RANBP9: variants seen among roughly 807,000 people sequenced by gnomAD.
RANBP9 encodes the protein RAN binding protein 9.
In RANBP9, 15 loss-of-function variants were observed where a neutral mutation model predicts 84.3. The observed-to-expected ratio is 0.18, with a 90% CI of 0.12 to 0.27. The LOEUF (loss-of-function observed/expected upper bound fraction) is 0.27, where lower values mean the gene tolerates loss of function less well. Ranked by LOEUF, RANBP9 falls within the 10% of genes least tolerant of loss-of-function variation. RANBP9 has a pLI of 1.00. For synonymous variants in RANBP9, 392 were observed against 349.6 expected (o/e 1.12, Z -1.35); for missense variants, 809 against 912.8 (o/e 0.89, Z 1.46).
Position 13,621,827 on chromosome 6 carries a change from G to C in RANBP9, c.*535C>G, listed in dbSNP as rs1764457111. On this transcript the variant is annotated 3_prime_UTR_variant, in exon 14 of 14. Transcript: ENST00000011619. Reference sequence around the variant, plus strand: ...AAGTAGCAACAAACATATTCACTCAGCTCCTGAGTATTTCAAGTTTTACAG... The same window carrying C: ...AAGTAGCAACAAACATATTCACTCACCTCCTGAGTATTTCAAGTTTTACAG... 1 of 152,576 alleles carries C rather than the reference G, an allele frequency of 6.6e-6. No homozygotes were observed. Among genetic ancestry groups the C allele is most frequent in the African/African-American group, 2.4e-5 (1 of 41,420 alleles). The allele number at this position is 152,576 out of a possible 1,614,324, so 9.5% of individuals were successfully genotyped here.
At chr6:13,676,679 G>A (rs1765891981) in intron 2 of RANBP9, among the ~76,000 whole-genome samples, 1 of 151,642 alleles carries the variant, frequency 6.6e-6, no homozygotes, top group African/African-American at 2.4e-5. Context: ...GACTAAGTGG[G>A]ATTTATCCCA....
chr6:13,705,932 C>T (rs1307072590), intron 1 of RANBP9, among the ~76,000 whole-genome samples: 1 of 150,528 alleles, frequency 6.6e-6, no homozygotes, highest in Non-Finnish European at 1.5e-5. Context: ...GACATTTGCA[C>T]TTGTAAGCAA....
chr6:13,664,725 C>T (rs74591271), intron 2 of RANBP9, among the ~76,000 whole-genome samples: 1,970 of 152,040 alleles, frequency 0.013, 46 homozygotes, highest in African/African-American at 0.045. Context: ...TATCACTGTA[C>T]CCCCAAAACA....
At chr6:13,654,949 AACCACCTT>A in intron 4 of RANBP9, among the ~76,000 whole-genome samples, 2 of 152,366 alleles carry the variant, frequency 1.3e-5, no homozygotes, top group Middle Eastern at 6.8e-3. Flanking sequence ...AGTTTAGTCT[AACCACCTT>A]AGTGAGATAG....
Position 13,644,584 on chromosome 6 carries a change from A to G in RANBP9, c.1073T>C (p.Ile358Thr), listed in dbSNP as rs980663295. The G allele has an allele frequency of 6.2e-7, 1 of 1,613,126 alleles. No homozygotes were observed. The highest frequency in any genetic ancestry group is 8.5e-7 in the Non-Finnish European group (1 of 1,179,608). ...CTGCCATTCTCCTTCTCGATCTCCG[A>G]TAGGAAATCGATCTATCTGTGCCTG... ...KIQAQIDRFP[I>T]GDREGEWQTM... Residue 358 changes from isoleucine (I) to threonine (T), a missense_variant, in exon 6 of 14, where the codon ATC becomes ACC. By Grantham distance (89) the Ile-to-Thr change is moderately conservative. Transcript: ENST00000011619.
chr6:13,662,531 G>C (rs1765557107), intron 2 of RANBP9, among the ~76,000 whole-genome samples: 1 of 152,122 alleles, frequency 6.6e-6, no homozygotes, highest in Admixed American at 6.5e-5. Flanking sequence ...GGGGCCTCTG[G>C]GAGGTCATGA....
chr6:13,637,729 G>T (rs1764973796), intron 10 of RANBP9, 79 bp downstream of exon 10: 1 of 1,359,044 alleles, frequency 7.4e-7, no homozygotes. Context: ...CATAATTCAA[G>T]TTCTTTCAAA....
At chr6:13,627,630 CAAA>C (rs35401168) in intron 12 of RANBP9, among the ~76,000 whole-genome samples, 4 of 66,402 alleles carry the variant, frequency 6.0e-5, no homozygotes, top group African/African-American at 1.2e-4. Flanking sequence ...ACTCCATCTC[CAAA>C]AAAAAAAAAA....
intron 6 of RANBP9, among the ~76,000 whole-genome samples, chr6:13,643,227 A>C (rs1216295788): frequency 2.6e-5 from 4 of 152,250 alleles, no homozygotes; most frequent in Non-Finnish European, 4.4e-5. Flanking sequence ...AATATGGTTT[A>C]CATGTAAGTG....
intron 4 of RANBP9, among the ~76,000 whole-genome samples, chr6:13,655,456 C>T (rs542856822): frequency 6.6e-6 from 1 of 152,228 alleles, no homozygotes; most frequent in Non-Finnish European, 1.5e-5. Flanking sequence ...GACAGAAGGA[C>T]ATTCCGTCTC....
chr6:13,636,462 G>A (rs577324691), intron 10 of RANBP9, among the ~76,000 whole-genome samples: 1 of 152,266 alleles, frequency 6.6e-6, no homozygotes, highest in South Asian at 2.1e-4. Context: ...CTTCCGTTAA[G>A]CTTGCTTCCC....
At chr6:13,658,721 A>C in intron 3 of RANBP9, 59 bp downstream of exon 3, 1 of 1,348,650 alleles carries the variant, frequency 7.4e-7, no homozygotes, top group South Asian at 1.2e-5. Context: ...TTACTTGAAA[A>C]ATTTAACCAG....
chr6:13,632,118 C>CTTTTTTTTTTTTTTTTTTTTTTTTTT (rs752500098), intron 12 of RANBP9, among the ~76,000 whole-genome samples: 1 of 74,922 alleles, frequency 1.3e-5, no homozygotes. Context: ...GGATTTAATC[C>CTTTTTTTTTTTTTTTTTTTTTTTTTT]TTTTTTTTTT....
chr6:13,623,921 A>C (rs1444685918), intron 13 of RANBP9, among the ~76,000 whole-genome samples: 1 of 152,136 alleles, frequency 6.6e-6, no homozygotes, highest in Non-Finnish European at 1.5e-5. Context: ...CAAGAAACTA[A>C]ATTGTAAGAA....
chr6:13,629,181 G>A (rs1389934719), intron 12 of RANBP9, among the ~76,000 whole-genome samples: 2 of 152,182 alleles, frequency 1.3e-5, no homozygotes, highest in African/African-American at 2.4e-5. Flanking sequence ...TGCAATCACA[G>A]CTCACTGCAG....
Position 13,698,036 on chromosome 6 carries a change from T to C in RANBP9, c.572-1140A>G, listed in dbSNP as rs138785884. Reference sequence around the variant, plus strand: ...ATCATCACACATGAATGAGATCATATCCTCCCTTACCACACACTTGACCAA... The same window carrying C: ...ATCATCACACATGAATGAGATCATACCCTCCCTTACCACACACTTGACCAA... On this transcript the variant is annotated intron_variant, in intron 1 of 13. Transcript: ENST00000011619. 2.7e-3 allele frequency among the ~76,000 whole-genome samples: 415 copies of C among 152,254 alleles called. 3 individuals are homozygous for C. The highest frequency in any genetic ancestry group is 9.5e-3 in the African/African-American group (395 of 41,548).
Position 13,625,702 on chromosome 6 carries a change from G to A in RANBP9, c.2010C>T (p.Asp670=), listed in dbSNP as rs1490783553. ...AGCACACAGGTTCTCTCTGAATCGG[G>A]TCAAGCTGATTTCCAACTGGGCTGT... ...PWNSPVGNQL[D]PIQREPVCSA... Residue 670 remains aspartate (D), a synonymous_variant, in exon 13 of 14, where the codon GAC becomes GAT. Transcript: ENST00000011619. The A allele has an allele frequency of 3.7e-6, 6 of 1,613,378 alleles. No individual in the cohort carries two copies. In the South Asian group the frequency reaches 5.5e-5, roughly 15 times the overall value.
intron 1 of RANBP9, among the ~76,000 whole-genome samples, chr6:13,708,422 T>A (rs1166281973): frequency 6.6e-6 from 1 of 151,430 alleles, no homozygotes; most frequent in Non-Finnish European, 1.5e-5. Flanking sequence ...TGAAATCCTA[T>A]CACACACACA....
At chr6:13,679,495 A>C (rs1404694362) in intron 2 of RANBP9, among the ~76,000 whole-genome samples, 1 of 152,244 alleles carries the variant, frequency 6.6e-6, no homozygotes, top group South Asian at 2.1e-4. Flanking sequence ...ATAACTTGTT[A>C]AACTGTTAAA....
Sources: gnomAD v4.1 joint callset for allele counts (sites outside exome capture counted in the v4.1 genomes callset) on GRCh38, gnomAD v4.1.1 for gene constraint, MANE v1.5 for transcripts, NCBI Gene and HGNC (gene_info 2026-07-23, HGNC 2026-07-21) for gene names.